HPS5: variants seen among roughly 807,000 people sequenced by gnomAD.
HPS5 encodes HPS5 biogenesis of lysosomal organelles complex 2 subunit 2.
In HPS5, 83 loss-of-function variants were observed where a neutral mutation model predicts 128.0. That is an observed-to-expected ratio of 0.65 (90% CI 0.54 to 0.78). The LOEUF (loss-of-function observed/expected upper bound fraction) is 0.78, where lower values mean the gene tolerates loss of function less well. Ranked by LOEUF, HPS5 falls within the 30% of genes least tolerant of loss-of-function variation. The pLI, the probability that HPS5 is intolerant of heterozygous loss-of-function variation, is 0.00. For missense variants in HPS5, 1,281 were observed against 1,326.2 expected, an observed-to-expected ratio of 0.97 and a Z score of 0.53; for synonymous variants, 475 against 470.2, an observed-to-expected ratio of 1.01 and a Z score of -0.13.
chr11:18,319,255 CCACACACACA>C (rs10531816), intron 1 of HPS5, among the ~76,000 whole-genome samples: 44 of 139,214 alleles, frequency 3.2e-4, no homozygotes, highest in South Asian at 9.3e-4. Flanking sequence ...AAGACAAATA[CCACACACACA>C]CACACACACA....
At position 18,296,009 on chromosome 11, in the gene HPS5, CA is replaced by C; in HGVS notation, c.1623del (p.Val542SerfsTer25). 6.2e-7 allele frequency: 1 copy of C among 1,613,592 alleles called. No individual in the cohort carries two copies. The highest frequency in any genetic ancestry group is 1.1e-5 in the South Asian group (1 of 91,066). ...RSPSPLVSLQ[A>X]VKESVSSFVR... ...GACTAATTGGTTTACCTTTCTTTGA[CA>C]GCCTGAAGAGACACAAGAGGAGATG... is the stretch of plus-strand genomic sequence containing the variant. On this transcript the variant is annotated frameshift_variant, in exon 13 of 23. Transcript: ENST00000349215. LOFTEE classifies it high-confidence loss of function.
intron 6 of HPS5, 65 bp downstream of exon 6, chr11:18,308,881 A>T (rs1170149662): frequency 6.6e-7 from 1 of 1,520,656 alleles, no homozygotes; most frequent in East Asian, 2.3e-5. Flanking sequence ...TGGGGTAGAT[A>T]ACTTCTAAGT....
intron 3 of HPS5, 23 bp downstream of exon 3, chr11:18,311,891 G>A: frequency 7.1e-7 from 1 of 1,412,348 alleles, no homozygotes; most frequent in Non-Finnish European, 1.0e-6. Flanking sequence ...AATGGTGTAT[G>A]ACAGAGCTGC....
chr11:18,317,619 T>C (rs1213469198), intron 2 of HPS5, 132 bp downstream of exon 2: 3 of 842,818 alleles, frequency 3.6e-6, no homozygotes, highest in African/African-American at 1.7e-5. Flanking sequence ...TTCTTTTTTT[T>C]CCCCCACAAA....
Position 18,305,473 on chromosome 11 carries a change from T to C in HPS5, c.845A>G (p.His282Arg). 6.2e-7 allele frequency: 1 copy of C among 1,608,844 alleles called. No homozygotes were observed. The highest frequency in any genetic ancestry group is 2.2e-5 in the East Asian group (1 of 44,776). Reference sequence around the variant, plus strand: ...CAAAGACTGGGAGGATCCAGCTGTATGATCATACTGAGGTTCTGATCTAGA... The same window carrying C: ...CAAAGACTGGGAGGATCCAGCTGTACGATCATACTGAGGTTCTGATCTAGA... ...ITLRSEPQYD[H>R]TAGSSQSLSF... The change falls in exon 8 of 23, where the codon CAT (histidine) becomes CGT (arginine). Residue 282 changes from histidine to arginine, a missense_variant. By Grantham distance (29) the His-to-Arg change is conservative. Transcript: ENST00000349215.
At chr11:18,300,986 A>C (rs1861635810) in intron 8 of HPS5, 70 bp from the exon 9 acceptor site, 1 of 869,614 alleles carries the variant, frequency 1.1e-6, no homozygotes, top group African/African-American at 1.6e-5. Context: ...CCGAATTCAG[A>C]TCCTTGCATT....
In HPS5 at chr11:18,279,965, C is replaced by A. The variant is rs186524855; in HGVS notation, c.3330-23G>T. The A allele has an allele frequency of 4.9e-4, 791 of 1,612,160 alleles. 4 individuals carry two copies. The African/African-American group carries it at 9.3e-3, about 19-fold the overall frequency. On this transcript the variant is annotated intron_variant, in intron 22 of 22. Transcript: ENST00000349215. ...GCCCTGAAATCCCAAAGAAAAGAAA[C>A]AAGCAAATTTAGTTGTCATTGTTCA...
At chr11:18,310,672 T>C in intron 5 of HPS5, 69 bp downstream of exon 5, 1 of 1,237,614 alleles carries the variant, frequency 8.1e-7, no homozygotes, top group Non-Finnish European at 1.1e-6. Context: ...TCACATCCTT[T>C]AATTGGAAGT....
chr11:18,296,166 G>A (rs371725529), intron 12 of HPS5, 44 bp from the exon 13 acceptor site: 52 of 1,596,660 alleles, frequency 3.3e-5, no homozygotes, highest in Non-Finnish European at 3.8e-5. Context: ...ATCTAATCAC[G>A]TGGGAGTTGT....
intron 7 of HPS5, 87 bp downstream of exon 7, chr11:18,306,048 T>C: frequency 9.8e-7 from 1 of 1,024,112 alleles, no homozygotes; most frequent in South Asian, 1.3e-5. Flanking sequence ...AATAAAATCT[T>C]TAACACAGAT....
rs12416821 is a variant in HPS5 at position 18,279,582 on chromosome 11, A to G, written c.*300T>C. The G allele has an allele frequency of 0.32, 133,705 of 416,040 alleles. 22,195 individuals carry two copies. Among genetic ancestry groups the G allele is most frequent in the African/African-American group, 0.41 (20,402 of 49,478 alleles). The allele number at this position is 416,040 out of a possible 1,614,324, so 25.8% of individuals were successfully genotyped here. The stretch of plus-strand genomic sequence containing the variant: ...ACTAGCAACAAGCAGTTAATACTGT[A>G]GTTCGGAATAATACTAGGACATTAA... On this transcript the variant is annotated 3_prime_UTR_variant, in exon 23 of 23. Coordinates refer to ENST00000349215, the MANE Select transcript of HPS5 (RefSeq NM_181507.2).
In HPS5 at chr11:18,296,947, A is replaced by G; in HGVS notation, c.1361T>C (p.Ile454Thr). 1 of 1,608,390 alleles carries G rather than the reference A, an allele frequency of 6.2e-7. No homozygotes were observed. Among genetic ancestry groups the G allele is most frequent in the Non-Finnish European group, 8.5e-7 (1 of 1,174,930 alleles). The change falls in exon 12 of 23, where the codon ATC becomes ACC. Residue 454 changes from isoleucine to threonine, a missense_variant. Transcript: ENST00000349215. ...CTGACTGCCTCTTCTACTACTAATG[A>G]TACGATAAATACCAGAGTCCAAGAT... ...FSILDSGIYR[I>T]ISSRRGSQSD... is the part of the protein sequence containing the mutation.
intron 22 of HPS5, 93 bp downstream of exon 22, chr11:18,281,857 C>G: frequency 7.1e-7 from 1 of 1,403,636 alleles, no homozygotes; most frequent in Non-Finnish European, 1.0e-6. Context: ...AGTGATGGGT[C>G]GGGACTAAAT....
intron 14 of HPS5, among the ~76,000 whole-genome samples, chr11:18,294,022 T>C (rs750106810): frequency 9.2e-5 from 14 of 152,242 alleles, no homozygotes; most frequent in Non-Finnish European, 2.1e-4. Context: ...TCCCATGGGT[T>C]TCTCTCTTAA....
At chr11:18,282,869 C>G (rs1859185101) in intron 21 of HPS5, among the ~76,000 whole-genome samples, 2 of 152,078 alleles carry the variant, frequency 1.3e-5, no homozygotes, top group Non-Finnish European at 2.9e-5. Context: ...GCTTAGAGGA[C>G]ATATGCATGG....
At chr11:18,306,555 GCAAATCATTT>G (rs1862398613) in intron 6 of HPS5, among the ~76,000 whole-genome samples, 1 of 152,160 alleles carries the variant, frequency 6.6e-6, no homozygotes, top group Admixed American at 6.6e-5. Flanking sequence ...ATGACAGGAA[GCAAATCATTT>G]CATATTAGTA....
intron 15 of HPS5, 80 bp downstream of exon 15, chr11:18,292,819 A>G (rs1393690102): frequency 1.9e-6 from 2 of 1,056,308 alleles, no homozygotes; most frequent in East Asian, 4.7e-5. Context: ...AAGGCCCATA[A>G]AAAACTTACA....
intron 12 of HPS5, 69 bp downstream of exon 12, chr11:18,296,729 T>A (rs1380135970): frequency 4.4e-6 from 6 of 1,370,850 alleles, no homozygotes; most frequent in Non-Finnish European, 5.2e-6. Context: ...CACAAGATAA[T>A]CCTGGTAACA....
At chr11:18,297,764 A>G in intron 10 of HPS5, 47 bp from the exon 11 acceptor site, 1 of 1,563,210 alleles carries the variant, frequency 6.4e-7, no homozygotes, top group Non-Finnish European at 8.8e-7. Flanking sequence ...AGGTAAATCT[A>G]TATTCAAATG....
Sources: allele counts gnomAD v4.1 joint callset (sites outside exome capture counted in the v4.1 genomes callset), GRCh38; gene constraint gnomAD v4.1.1; transcripts MANE v1.5; gene names NCBI Gene and HGNC (gene_info 2026-07-23, HGNC 2026-07-21).